Variants in ZFHX3 observed in about 807,000 individuals in gnomAD.
ZFHX3 encodes zinc finger homeobox protein 3.
ZFHX3 carries 42 observed loss-of-function variants against 279.1 expected under a neutral mutation model. The ratio of observed to expected loss-of-function variants is 0.15; its 90% CI spans 0.12 to 0.19. The LOEUF (loss-of-function observed/expected upper bound fraction) is 0.19, where lower values mean the gene tolerates loss of function less well. ZFHX3 is among the 10% of genes least tolerant of loss of function. The probability of loss-of-function intolerance (pLI) is 1.00; values close to 1 mark genes in which losing one functional copy is unlikely to be tolerated. For missense variants in ZFHX3, 4,981 were observed against 4,754.0 expected, an observed-to-expected ratio of 1.05 and a Z score of -1.40; for synonymous variants, 2,293 against 1,957.8, an observed-to-expected ratio of 1.17 and a Z score of -4.52.
chr16:73,377,347 T>A (rs756607695), intron 3 of ZFHX3, among the ~76,000 whole-genome samples: 10 of 152,084 alleles, frequency 6.6e-5, no homozygotes, highest in Non-Finnish European at 1.0e-4. Flanking sequence ...CATGTGACCA[T>A]CAAGGAGGAC....
At chr16:73,210,834 T>A (rs971913814) in intron 5 of ZFHX3, among the ~76,000 whole-genome samples, 1 of 152,122 alleles carries the variant, frequency 6.6e-6, no homozygotes, top group African/African-American at 2.4e-5. Flanking sequence ...AGCTTCTTTT[T>A]TTTTTCCCAA....
intron 3 of ZFHX3, among the ~76,000 whole-genome samples, chr16:73,436,878 C>T (rs1050949008): frequency 6.6e-6 from 1 of 152,082 alleles, no homozygotes; most frequent in African/African-American, 2.4e-5. Flanking sequence ...ATAGAGCTTC[C>T]CAAGACCCTC....
rs1057106876 is a variant in ZFHX3 at position 72,785,570 on chromosome 16, C to T, written c.*1594G>A. 6.6e-6 allele frequency: 1 copy of T among 152,492 alleles called. No homozygotes were observed. Among genetic ancestry groups the T allele is most frequent in the Non-Finnish European group, 1.5e-5 (1 of 68,016 alleles). The allele number at this position is 152,492 out of a possible 1,614,324, so 9.4% of individuals were successfully genotyped here. A position where few individuals can be genotyped will look rare whatever the true frequency, so the allele number is the denominator to read the frequency against. ...AAACAAATTCTCAAGTAACAAGAAC[C>T]CTTTCCCTTTTTTCTGCATCAGCAG... On this transcript the variant is annotated 3_prime_UTR_variant, in exon 10 of 10. Transcript: ENST00000268489.
At chr16:73,380,010 A>T (rs1361447432) in intron 3 of ZFHX3, among the ~76,000 whole-genome samples, 3 of 152,212 alleles carry the variant, frequency 2.0e-5, no homozygotes, top group Non-Finnish European at 4.4e-5. Context: ...CTACAATGAA[A>T]ACTGGCAAAG....
At chr16:73,149,294 G>A (rs976889360) in intron 5 of ZFHX3, among the ~76,000 whole-genome samples, 8 of 146,652 alleles carry the variant, frequency 5.5e-5, no homozygotes, top group African/African-American at 2.0e-4. Context: ...AATATTATCA[G>A]CAGATATTAT....
chr16:73,127,481 G>C, intron 7 of ZFHX3: 2 of 1,305,474 alleles, frequency 1.5e-6, no homozygotes, highest in South Asian at 1.2e-5. Context: ...CGACAGGCAA[G>C]ATCACTGGTC....
chr16:73,248,323 C>T (rs138161846), intron 5 of ZFHX3, among the ~76,000 whole-genome samples: 88 of 151,080 alleles, frequency 5.8e-4, no homozygotes, highest in Non-Finnish European at 9.6e-4. Flanking sequence ...GTATAAGGGC[C>T]TGTATGTGGA....
chr16:73,492,270 C>G (rs936089109), intron 2 of ZFHX3, among the ~76,000 whole-genome samples: 1 of 152,202 alleles, frequency 6.6e-6, no homozygotes, highest in African/African-American at 2.4e-5. Flanking sequence ...GACTCCTCCC[C>G]CTTCACAGTT....
chr16:73,210,300 T>A (rs2011966323), intron 5 of ZFHX3, among the ~76,000 whole-genome samples: 1 of 152,142 alleles, frequency 6.6e-6, no homozygotes, highest in African/African-American at 2.4e-5. Context: ...TGCCTCCCCA[T>A]ACAAACGGCA....
chr16:73,541,990 C>T (rs553078803), intron 2 of ZFHX3, among the ~76,000 whole-genome samples: 17 of 151,644 alleles, frequency 1.1e-4, no homozygotes, highest in Admixed American at 3.3e-4. Context: ...TTAGTAGAGA[C>T]GGGGTTTCAC....
At chr16:73,407,826 A>G (rs2017391117) in intron 3 of ZFHX3, among the ~76,000 whole-genome samples, 1 of 152,224 alleles carries the variant, frequency 6.6e-6, no homozygotes, top group African/African-American at 2.4e-5. Flanking sequence ...CTTTTCAAAG[A>G]CAGACAGCCT....
chr16:73,862,774 A>ACAAT (rs890079454), intron 1 of ZFHX3, among the ~76,000 whole-genome samples: 5 of 151,946 alleles, frequency 3.3e-5, no homozygotes, highest in South Asian at 2.1e-4. Flanking sequence ...GAGACCCTGT[A>ACAAT]CAATCAATCA....
At chr16:73,890,849 AATC>A (rs1319648605) in intron 1 of ZFHX3, among the ~76,000 whole-genome samples, 1 of 152,118 alleles carries the variant, frequency 6.6e-6, no homozygotes, top group East Asian at 1.9e-4. Context: ...CGATAAGTGT[AATC>A]ATCGCAATCA....
chr16:73,194,836 T>C (rs931225605), intron 5 of ZFHX3, among the ~76,000 whole-genome samples: 3 of 152,192 alleles, frequency 2.0e-5, no homozygotes, highest in African/African-American at 4.8e-5. Flanking sequence ...TCTGGAGAAA[T>C]GGAAGGTCAA....
chr16:73,433,574 C>T (rs2017945847), intron 3 of ZFHX3, among the ~76,000 whole-genome samples: 3 of 152,178 alleles, frequency 2.0e-5, no homozygotes, highest in Non-Finnish European at 4.4e-5. Context: ...GAGAGGCATT[C>T]TGAGAGGCTT....
At chr16:73,416,598 A>G (rs1046678288) in intron 3 of ZFHX3, among the ~76,000 whole-genome samples, 9 of 152,070 alleles carry the variant, frequency 5.9e-5, no homozygotes, top group African/African-American at 1.9e-4. Context: ...AGTCGGCCGG[A>G]CGCGGTGGCT....
intron 1 of ZFHX3, among the ~76,000 whole-genome samples, chr16:73,807,857 T>G (rs186344203): frequency 6.6e-6 from 1 of 152,172 alleles, no homozygotes; most frequent in African/African-American, 2.4e-5. Context: ...ACATACATTT[T>G]GGACGGGCAT....
At chr16:73,860,440 T>C (rs996291936) in intron 1 of ZFHX3, among the ~76,000 whole-genome samples, 3 of 151,812 alleles carry the variant, frequency 2.0e-5, no homozygotes, top group African/African-American at 7.3e-5. Context: ...CGAGGAGTAG[T>C]AAAGCACTTG....
chr16:72,989,477 CAAA>C (rs60029159), intron 1 of ZFHX3, among the ~76,000 whole-genome samples: 1 of 122,676 alleles, frequency 8.2e-6, no homozygotes. Context: ...CACTCTGTCT[CAAA>C]AAAAAAAAAA....
Sources: allele counts gnomAD v4.1 joint callset (sites outside exome capture counted in the v4.1 genomes callset), GRCh38; gene constraint gnomAD v4.1.1; transcripts MANE v1.5; gene names NCBI Gene and HGNC (gene_info 2026-07-23, HGNC 2026-07-21).